ZNF69: variants seen among roughly 807,000 people sequenced by gnomAD.
The protein encoded by ZNF69 is zinc finger protein 69, also known as ZNF3.
A neutral mutation model predicts 50.9 loss-of-function variants in ZNF69; 47 were observed. The observed-to-expected ratio is 0.92, with a 90% CI of 0.73 to 1.18. The LOEUF is 1.18. Among genes scored for constraint, ZNF69 ranks in the 50% most tolerant of loss-of-function variants. The pLI, the probability that ZNF69 is intolerant of heterozygous loss-of-function variation, is 0.00. For missense variants in ZNF69, 717 were observed against 675.1 expected (o/e 1.06, Z -0.69); for synonymous variants, 216 against 223.1 (o/e 0.97, Z 0.29).
the ZNF69 span, among the ~76,000 whole-genome samples, chr19:11,942,053 TC>T: frequency 1.3e-5 from 2 of 152,102 alleles, no homozygotes; most frequent in East Asian, 3.9e-4. Flanking sequence ...CTTAGGAATG[TC>T]CCCTTTCCTT....
downstream of ZNF69, among the ~76,000 whole-genome samples, chr19:11,907,288 G>A (rs557758563): frequency 5.3e-4 from 81 of 152,236 alleles, no homozygotes; most frequent in African/African-American, 1.9e-3. Flanking sequence ...AACCTAGCAA[G>A]GCAGACCAAC....
At chr19:11,958,771 G>C in the ZNF69 span, among the ~76,000 whole-genome samples, 1 of 152,198 alleles carries the variant, frequency 6.6e-6, no homozygotes, top group Non-Finnish European at 1.5e-5. Context: ...CTGTGGGTGA[G>C]GCAGGCTGCC....
the ZNF69 span, chr19:11,949,217 C>A: frequency 1.6e-5 from 26 of 1,613,746 alleles, no homozygotes; most frequent in Non-Finnish European, 2.2e-5. Flanking sequence ...TGTGGTAAAG[C>A]CTTCAATCTT....
the ZNF69 span, among the ~76,000 whole-genome samples, chr19:11,960,027 GTTT>G: frequency 6.5e-5 from 9 of 138,736 alleles, no homozygotes; most frequent in Non-Finnish European, 1.3e-4. Context: ...AATTTGTAGT[GTTT>G]TTTTTTTCTT....
chr19:11,964,369 T>C, the ZNF69 span, among the ~76,000 whole-genome samples: 1 of 152,256 alleles, frequency 6.6e-6, no homozygotes, highest in African/African-American at 2.4e-5. Context: ...GAGGCAGAGT[T>C]GTTTGTATAT....
the ZNF69 span, among the ~76,000 whole-genome samples, chr19:11,940,854 GA>G: frequency 6.6e-6 from 1 of 152,080 alleles, no homozygotes; most frequent in East Asian, 1.9e-4. Flanking sequence ...GCTAGATACA[GA>G]GTGTTGACAT....
chr19:11,892,505 C>T (rs1160219013), intron 1 of ZNF69, among the ~76,000 whole-genome samples: 1 of 151,984 alleles, frequency 6.6e-6, no homozygotes, highest in African/African-American at 2.4e-5. Flanking sequence ...CACCTGTAAC[C>T]CCAGCACTTT....
At chr19:11,946,232 C>T in the ZNF69 span, among the ~76,000 whole-genome samples, 943 of 152,086 alleles carry the variant, frequency 6.2e-3, 9 homozygotes, top group African/African-American at 0.022. Flanking sequence ...AATGAGCTGC[C>T]AAGGGAGGGG....
the ZNF69 span, among the ~76,000 whole-genome samples, chr19:11,940,487 G>A: frequency 1.3e-5 from 2 of 152,028 alleles, no homozygotes; most frequent in African/African-American, 2.4e-5. Context: ...AGCTCTTAAG[G>A]CAGCGCGTCT....
At chr19:11,967,104 G>A in the ZNF69 span, among the ~76,000 whole-genome samples, 1 of 152,196 alleles carries the variant, frequency 6.6e-6, no homozygotes, top group Non-Finnish European at 1.5e-5. Context: ...CAAGGCCAAG[G>A]CGGGAGGATC....
Position 11,912,298 on chromosome 19 carries a change from G to C in ZNF69, c.449-1111G>C, listed in dbSNP as rs541580430. 5.9e-5 allele frequency among the ~76,000 whole-genome samples: 9 copies of C among 152,292 alleles called. No individual in the cohort carries two copies. The East Asian group carries it at 1.5e-3, about 26-fold the overall frequency. On this transcript the variant is annotated intron_variant, in intron 4 of 4. Coordinates refer to the ZNF69 transcript ENST00000340180. ...AAGCTCTGTGAATGTAAGCATTGTG[G>C]GAAAGCATTCATACCTGCCAAGATC... is the stretch of plus-strand genomic sequence containing the variant.
chr19:11,922,823 G>T, the ZNF69 span, among the ~76,000 whole-genome samples: 864 of 144,974 alleles, frequency 6.0e-3, 6 homozygotes, highest in African/African-American at 0.02. Flanking sequence ...GGGTTTTTTT[G>T]TTTTTGATTT....
downstream of ZNF69, among the ~76,000 whole-genome samples, chr19:11,907,852 G>A (rs1367222699): frequency 3.3e-5 from 5 of 152,144 alleles, no homozygotes; most frequent in Non-Finnish European, 5.9e-5. Flanking sequence ...TGGGCTAAAT[G>A]CTCCAATTAA....
chr19:11,903,764 G>A (rs1972300694), intron 2 of ZNF69, 65 bp downstream of exon 2: 5 of 1,606,026 alleles, frequency 3.1e-6, no homozygotes, highest in Non-Finnish European at 3.4e-6. Flanking sequence ...CATCAATGCT[G>A]TTGAGTGATT....
At chr19:11,962,140 G>A in the ZNF69 span, among the ~76,000 whole-genome samples, 141 of 152,120 alleles carry the variant, frequency 9.3e-4, 2 homozygotes, top group East Asian at 3.9e-4. Context: ...GTGGGAGGAC[G>A]GGCGTGGTGG....
the ZNF69 span, among the ~76,000 whole-genome samples, chr19:11,939,747 C>T: frequency 6.6e-6 from 1 of 152,136 alleles, no homozygotes; most frequent in Non-Finnish European, 1.5e-5. Context: ...AGGCATGAGT[C>T]ACCACACCTG....
At chr19:11,930,999 CAA>C in the ZNF69 span, among the ~76,000 whole-genome samples, 13 of 110,110 alleles carry the variant, frequency 1.2e-4, 1 homozygote, top group African/African-American at 3.7e-4. Flanking sequence ...AATTCCGTCT[CAA>C]AAAAAAAAAA....
the ZNF69 span, among the ~76,000 whole-genome samples, chr19:11,951,687 G>A: frequency 1.3e-5 from 2 of 152,224 alleles, no homozygotes; most frequent in South Asian, 2.1e-4. Context: ...ACTGTGGGAT[G>A]TATGAGAATT....
chr19:11,900,016 G>A (rs900526633), intron 1 of ZNF69, among the ~76,000 whole-genome samples: 2 of 152,050 alleles, frequency 1.3e-5, no homozygotes, highest in African/African-American at 4.8e-5. Flanking sequence ...GTACCATGGT[G>A]TGATTGAGCT....
Sources: allele counts gnomAD v4.1 joint callset (sites outside exome capture counted in the v4.1 genomes callset), GRCh38; gene constraint gnomAD v4.1.1; transcripts MANE v1.5; gene names NCBI Gene and HGNC (gene_info 2026-07-23, HGNC 2026-07-21).